The following ZNF549 variants were observed in gnomAD, a reference collection of about 807,000 sequenced individuals.
The protein encoded by ZNF549 is zinc finger protein 549.
In ZNF549, 11 loss-of-function variants were observed where a neutral mutation model predicts 11.1. The observed-to-expected ratio is 0.99, with a 90% CI of 0.62 to 1.64. The LOEUF (loss-of-function observed/expected upper bound fraction) is 1.64, where lower values mean the gene tolerates loss of function less well. Ranked by LOEUF, ZNF549 falls within the 40% of genes most tolerant of loss-of-function variation. The pLI, the probability that ZNF549 is intolerant of heterozygous loss-of-function variation, is 0.00. For missense variants in ZNF549, 748 were observed against 765.1 expected, an observed-to-expected ratio of 0.98 and a Z score of 0.26; for synonymous variants, 266 against 269.1, an observed-to-expected ratio of 0.99 and a Z score of 0.11.
rs2089883417 is a variant in ZNF549 at position 57,527,573 on chromosome 19, C to T, written c.-1C>T. On this transcript the variant is annotated 5_prime_UTR_variant, in exon 1 of 4. Transcript: ENST00000376233. ...CCAGGCCCCGCCCCGCCTAAAGTCC[C>T]ATGGCCGAGGCAGCGCTAGTGATTA... 4.3e-6 allele frequency: 7 copies of T among 1,613,758 alleles called. No individual in the cohort carries two copies. Among genetic ancestry groups the T allele is most frequent in the East Asian group, 2.2e-5 (1 of 44,876 alleles).
chr19:57,538,352 T>C lies in ZNF549; in HGVS notation c.1348T>C (p.Cys450Arg). ...AGAAAAGCCTTATGTGTGCATCATA[T>C]GTGGGAAATCATTTATCCGCTCGTC... ...TGEKPYVCIICGKSFIRSSDY... is the reference protein window; with the variant it reads ...TGEKPYVCIIRGKSFIRSSDY... Residue 450 changes from cysteine (C) to arginine (R), a missense_variant, in exon 4 of 4, where the codon TGT becomes CGT. Physicochemically the swap from Cys to Arg is radical, Grantham distance 180 (BLOSUM62 -3). Coordinates refer to ENST00000376233, the MANE Select transcript of ZNF549 (RefSeq NM_001199295.2). 3 of 1,614,060 alleles carry C rather than the reference T, an allele frequency of 1.9e-6. No homozygotes were observed. Among genetic ancestry groups the C allele is most frequent in the Non-Finnish European group, 2.5e-6 (3 of 1,179,996 alleles).
At chr19:57,530,751 C>T (rs2089900584) in intron 1 of ZNF549, among the ~76,000 whole-genome samples, 2 of 151,964 alleles carry the variant, frequency 1.3e-5, no homozygotes, top group Admixed American at 1.3e-4. Flanking sequence ...ACAGAAGCCT[C>T]TCATAATTTG....
At chr19:57,530,904 C>T (rs1302645211) in intron 1 of ZNF549, among the ~76,000 whole-genome samples, 166 bp from the exon 2 acceptor site, 2 of 151,464 alleles carry the variant, frequency 1.3e-5, no homozygotes, top group African/African-American at 2.4e-5. Flanking sequence ...TTGATGCCTA[C>T]GATGGCACTA....
chr19:57,536,719 C>G (rs1269761652), intron 3 of ZNF549, among the ~76,000 whole-genome samples: 1 of 152,124 alleles, frequency 6.6e-6, no homozygotes, highest in African/African-American at 2.4e-5. Flanking sequence ...TGGGTCTTCC[C>G]CTACATGGTA....
intron 1 of ZNF549, among the ~76,000 whole-genome samples, chr19:57,530,749 C>G (rs1191188346): frequency 6.6e-6 from 1 of 151,872 alleles, no homozygotes; most frequent in African/African-American, 2.4e-5. Flanking sequence ...GCACAGAAGC[C>G]TCTCATAATT....
chr19:57,538,111 T>G lies in ZNF549; in HGVS notation c.1107T>G (p.Ser369=). Reference sequence around the variant, plus strand: ...ATGTGTGTATGGAATGTGGGAAATCTTTTATTCATTCCTATGACCGCATTC... The same window carrying G: ...ATGTGTGTATGGAATGTGGGAAATCGTTTATTCATTCCTATGACCGCATTC... The part of the protein sequence containing the change: ...RPYVCMECGK[S]FIHSYDRIRH... The change falls in exon 4 of 4, where the codon TCT becomes TCG. Residue 369 remains serine, a synonymous_variant. Transcript: ENST00000376233. 6.2e-7 allele frequency: 1 copy of G among 1,614,090 alleles called. No homozygotes were observed. Among genetic ancestry groups the G allele is most frequent in the Non-Finnish European group, 8.5e-7 (1 of 1,179,992 alleles).
chr19:57,530,529 A>AAGTGG lies in ZNF549; in HGVS notation c.34-538_34-534dup, dbSNP rs144603376. Reference sequence around the variant, plus strand: ...CATGGCAGCCCCCAAATGTGTAGCCAAGTGGAGAAAATTACAGTGGTCTGG... The same window carrying AAGTGG: ...CATGGCAGCCCCCAAATGTGTAGCCAAGTGGAGTGGAGAAAATTACAGTGGTCTGG... On this transcript the variant is annotated intron_variant, in intron 1 of 3. Transcript: ENST00000376233. Among the ~76,000 whole-genome samples, 1,427 of 152,316 alleles carry AAGTGG rather than the reference A, an allele frequency of 9.4e-3. 12 individuals are homozygous for AAGTGG. Among genetic ancestry groups the AAGTGG allele is most frequent in the Non-Finnish European group, 0.016 (1,096 of 68,032 alleles).
In ZNF549 at chr19:57,538,598, A is replaced by G. The variant is rs753876504; in HGVS notation, c.1594A>G (p.Asn532Asp). 2 of 1,614,206 alleles carry G rather than the reference A, an allele frequency of 1.2e-6. No homozygotes were observed. The highest frequency in any genetic ancestry group is 1.1e-5 in the South Asian group (1 of 91,084). The change falls in exon 4 of 4, where the codon AAT becomes GAT. Residue 532 changes from asparagine (N) to aspartate (D), a missense_variant. Transcript: ENST00000376233. ...IHTREQLCECNECGKVFSHQK... is the reference protein window; with the variant it reads ...IHTREQLCECDECGKVFSHQK... ...TACTAGAGAACAACTTTGTGAGTGC[A>G]ATGAATGTGGAAAAGTCTTCAGCCA...
chr19:57,533,780 A>G (rs370481601), intron 2 of ZNF549, among the ~76,000 whole-genome samples: 1 of 152,112 alleles, frequency 6.6e-6, no homozygotes, highest in African/African-American at 2.4e-5. Flanking sequence ...TGTCTCTCCA[A>G]TCTTGTGGGC....
rs761704112 is a variant in ZNF549, at chr19:57,538,103, G to T, written c.1099G>T (p.Gly367Trp). The T allele has an allele frequency of 6.2e-7, 1 of 1,614,170 alleles. No individual in the cohort carries two copies. The highest frequency in any genetic ancestry group is 2.2e-5 in the East Asian group (1 of 44,888). ...GERPYVCMEC[G>W]KSFIHSYDRI... The stretch of plus-strand genomic sequence containing the variant: ...GAGGCCTTATGTGTGTATGGAATGT[G>T]GGAAATCTTTTATTCATTCCTATGA... Residue 367 changes from glycine to tryptophan, a missense_variant, in exon 4 of 4, where the codon GGG (glycine) becomes TGG (tryptophan). By Grantham distance (184) the Gly-to-Trp change is radical. Transcript: ENST00000376233.
At position 57,537,474 on chromosome 19, in the gene ZNF549, A is replaced by C; in HGVS notation, c.470A>C (p.Glu157Ala). Reference sequence around the variant, plus strand: ...CAGCACCAGAACCAGGACAGTGGAGAGAAACACATCAGAAAGGAGGAGAGC... The same window carrying C: ...CAGCACCAGAACCAGGACAGTGGAGCGAAACACATCAGAAAGGAGGAGAGC... ...LQQHQNQDSG[E>A]KHIRKEESSA... Residue 157 changes from glutamate (E) to alanine (A), a missense_variant, in exon 4 of 4, where the codon GAG (glutamate) becomes GCG (alanine). Physicochemically the swap from Glu to Ala is moderately radical, Grantham distance 107 (BLOSUM62 -1). Coordinates refer to ENST00000376233, the MANE Select transcript of ZNF549 (RefSeq NM_001199295.2). The C allele has an allele frequency of 6.2e-7, 1 of 1,614,238 alleles. No individual in the cohort carries two copies. The highest frequency in any genetic ancestry group is 8.5e-7 in the Non-Finnish European group (1 of 1,180,052).
chr19:57,528,367 A>G (rs1003706289), intron 1 of ZNF549, among the ~76,000 whole-genome samples: 1 of 152,204 alleles, frequency 6.6e-6, no homozygotes, highest in Non-Finnish European at 1.5e-5. Context: ...AAGTTGTTAC[A>G]TGGGCAGTTG....
At chr19:57,532,342 G>A (rs2089907700) in intron 2 of ZNF549, among the ~76,000 whole-genome samples, 6 of 152,180 alleles carry the variant, frequency 3.9e-5, no homozygotes, top group Admixed American at 1.3e-4. Flanking sequence ...TATATTCATA[G>A]GTCCTCATAG....
intron 2 of ZNF549, among the ~76,000 whole-genome samples, chr19:57,534,288 G>A (rs2123313038): frequency 6.6e-6 from 1 of 152,258 alleles, no homozygotes; most frequent in South Asian, 2.1e-4. Flanking sequence ...CTTTAAATGG[G>A]GAATGTTAAG....
chr19:57,535,361 A>G lies in ZNF549; in HGVS notation c.199+91A>G, dbSNP rs575425352. The G allele has an allele frequency of 2.0e-5, 30 of 1,496,090 alleles. No individual in the cohort carries two copies. In the East Asian group the frequency reaches 6.1e-4, roughly 31 times the overall value. 92.7% of individuals were successfully genotyped at this position (1,496,090 alleles called of 1,614,324 possible). A position where few individuals can be genotyped will look rare whatever the true frequency, so the allele number is the denominator to read the frequency against. On this transcript the variant is annotated intron_variant, in intron 3 of 3. Coordinates refer to ENST00000376233, the MANE Select transcript of ZNF549 (RefSeq NM_001199295.2). Reference sequence around the variant, plus strand: ...TTTCCTGTCTTTCCCAGAGTTGGACATGGGCCCTTCTTCTTTCCTTGGTTC... The same window carrying G: ...TTTCCTGTCTTTCCCAGAGTTGGACGTGGGCCCTTCTTCTTTCCTTGGTTC...
In ZNF549 at chr19:57,535,221, C is replaced by T; in HGVS notation, c.150C>T (p.Cys50=). The T allele has an allele frequency of 1.2e-6, 2 of 1,614,026 alleles. No individual in the cohort carries two copies. The highest frequency in any genetic ancestry group is 1.7e-4 in the Middle Eastern group (1 of 6,060). Residue 50 remains cysteine, a synonymous_variant, in exon 3 of 4, where the codon TGC becomes TGT. Coordinates refer to ENST00000376233, the MANE Select transcript of ZNF549 (RefSeq NM_001199295.2). ...EWGLLDEAQR[C]LYHDVMLENF... is the part of the protein sequence containing the mutation. ...GCCTCCTTGATGAAGCTCAAAGGTG[C>T]CTGTATCATGATGTGATGCTGGAGA...
chr19:57,537,598 C>T lies in ZNF549; in HGVS notation c.594C>T (p.Leu198=), dbSNP rs1181411773. Residue 198 remains leucine (L), a synonymous_variant, in exon 4 of 4, where the codon CTC becomes CTT. Transcript: ENST00000376233. ...ATTTTCCAACCATCCTGGGCCTTCT[C>T]CAACACCAGACCACCCACAGCAGAC... ...EKDFPTILGL[L]QHQTTHSRQE... The T allele has an allele frequency of 1.9e-6, 3 of 1,614,194 alleles. No homozygotes were observed. Among genetic ancestry groups the T allele is most frequent in the Non-Finnish European group, 2.5e-6 (3 of 1,180,036 alleles).
rs1427643944 is a variant in ZNF549 at position 57,538,553 on chromosome 19, C to A, written c.1549C>A (p.Leu517Ile). 3.1e-6 allele frequency: 5 copies of A among 1,614,194 alleles called. No individual in the cohort carries two copies. The highest frequency in any genetic ancestry group is 4.2e-6 in the Non-Finnish European group (5 of 1,180,024). The change falls in exon 4 of 4, where the codon CTT becomes ATT. Residue 517 changes from leucine to isoleucine, a missense_variant. Coordinates refer to ENST00000376233, the MANE Select transcript of ZNF549 (RefSeq NM_001199295.2). The stretch of plus-strand genomic sequence containing the variant: ...AGGCTTCTACCTTGAGGTTAAACTT[C>A]TTCAGCACCAAAGAATCCATACTAG... Reference protein sequence around the residue: ...GKGFYLEVKLLQHQRIHTREQ... With the variant: ...GKGFYLEVKLIQHQRIHTREQ...
At chr19:57,533,734 C>G (rs1164499300) in intron 2 of ZNF549, among the ~76,000 whole-genome samples, 2 of 152,246 alleles carry the variant, frequency 1.3e-5, no homozygotes, top group African/African-American at 4.8e-5. Flanking sequence ...TGAGTTTCTG[C>G]TCCTGTGAGC....
Sources: gnomAD v4.1 joint callset for allele counts (sites outside exome capture counted in the v4.1 genomes callset) on GRCh38, gnomAD v4.1.1 for gene constraint, MANE v1.5 for transcripts, NCBI Gene and HGNC (gene_info 2026-07-23, HGNC 2026-07-21) for gene names.